Variants in ST3GAL4 observed in about 807,000 individuals in gnomAD.
ST3GAL4 encodes the protein ST3 beta-galactoside alpha-2,3-sialyltransferase 4, also known as CMP-N-acetylneuraminate-beta-galactosamide-alpha-2,3-sialyltransferase 4.
In ST3GAL4, 24 loss-of-function variants were observed where a neutral mutation model predicts 42.6. That is an observed-to-expected ratio of 0.56 (90% CI 0.41 to 0.79). The LOEUF (loss-of-function observed/expected upper bound fraction) is 0.79. Among genes scored for constraint, ST3GAL4 ranks in the 30% least tolerant of loss-of-function variants. The pLI is 0.00. For synonymous variants in ST3GAL4, 135 were observed against 163.2 expected (o/e 0.83, Z 1.32); for missense variants, 311 against 430.8 (o/e 0.72, Z 2.46).
At chr11:126,413,924 G>A in intron 10 of ST3GAL4, 37 bp from the exon 11 acceptor site, 1 of 1,609,654 alleles carries the variant, frequency 6.2e-7, no homozygotes, top group Non-Finnish European at 8.5e-7. Context: ...GAGGTCCCTG[G>A]GAGTCCCTCA....
rs931494604 is a variant in ST3GAL4 at position 126,386,247 on chromosome 11, C to T, written c.-60-19849C>T. Among the ~76,000 whole-genome samples the T allele has an allele frequency of 4.6e-5, 7 of 152,292 alleles. No homozygotes were observed. In the South Asian group the frequency reaches 6.2e-4, roughly 14 times the overall value. ...AGTGGTCCTGTGGTTGTCATTGCCC[C>T]GTCATCTCCACCATTTCCTGTTTGC... On this transcript the variant is annotated intron_variant, in intron 1 of 10. Transcript: ENST00000444328. The surrounding 1 kb of genome is among the most constrained non-coding windows in gnomAD (Gnocchi z 4.7).
intron 1 of ST3GAL4, among the ~76,000 whole-genome samples, chr11:126,371,020 C>T (rs1456232206): frequency 6.6e-6 from 1 of 151,678 alleles, no homozygotes; most frequent in Non-Finnish European, 1.5e-5. Context: ...ATTAATATAA[C>T]AGACCTCCAT....
intron 1 of ST3GAL4, among the ~76,000 whole-genome samples, chr11:126,395,871 G>C (rs1953728692): frequency 6.6e-6 from 1 of 152,122 alleles, no homozygotes; most frequent in African/African-American, 2.4e-5. Context: ...ACAGACTAAC[G>C]CAGGCAGCCT....
rs145526361 is a variant in ST3GAL4 at position 126,407,040 on chromosome 11, G to A, written c.182+17G>A. 1.3e-3 allele frequency: 2,070 copies of A among 1,610,942 alleles called. 23 individuals carry two copies. In the African/African-American group the frequency reaches 0.023, roughly 18 times the overall value. ...CTTTGGCAAGTAAGTACTTAAGGAT[G>A]AGGAGGGTAGAGCAGGGCATGGAGC... is the stretch of plus-strand genomic sequence containing the variant. On this transcript the variant is annotated intron_variant, in intron 4 of 10. Transcript: ENST00000444328.
intron 1 of ST3GAL4, among the ~76,000 whole-genome samples, chr11:126,387,673 C>CA (rs1015589992): frequency 0.1 from 11,854 of 115,934 alleles, 651 homozygotes; most frequent in East Asian, 0.35. Flanking sequence ...GACTCTGTCT[C>CA]AAAAAAAAAA....
chr11:126,369,997 C>G (rs1952583618), intron 1 of ST3GAL4, among the ~76,000 whole-genome samples: 1 of 152,182 alleles, frequency 6.6e-6, no homozygotes, highest in South Asian at 2.1e-4. Context: ...TCCTATTTTT[C>G]ACAGCTGCAT....
chr11:126,408,438 T>A lies in ST3GAL4; in HGVS notation c.569T>A (p.Val190Glu). 1 of 1,614,194 alleles carries A rather than the reference T, an allele frequency of 6.2e-7. No individual in the cohort carries two copies. Among genetic ancestry groups the A allele is most frequent in the Non-Finnish European group, 8.5e-7 (1 of 1,180,028 alleles). ...AACCCAGACACACTCCTCGTCCTGGTAGCTTTCAAGGCAATGGACTTCCAC... is the reference window on the plus strand; with the variant it reads ...AACCCAGACACACTCCTCGTCCTGGAAGCTTTCAAGGCAATGGACTTCCAC... ...ENNPDTLLVL[V>E]AFKAMDFHWI... Residue 190 changes from valine (V) to glutamate (E), a missense_variant, in exon 8 of 11, where the codon GTA becomes GAA. Val to Glu is a moderately radical substitution (Grantham distance 121, BLOSUM62 -2). Transcript: ENST00000444328.
In ST3GAL4 at chr11:126,376,640, GT is replaced by G. The variant is rs1474391927; in HGVS notation, c.-61+20802del. 4 of 152,136 alleles carry G rather than the reference GT, an allele frequency of 2.6e-5. No individual in the cohort carries two copies. The highest frequency in any genetic ancestry group is 5.9e-5 in the Non-Finnish European group (4 of 68,028). The allele number at this position is 152,136 out of a possible 1,614,324, so 9.4% of individuals were successfully genotyped here. A position where few individuals can be genotyped will look rare whatever the true frequency, so the allele number is the denominator to read the frequency against. ...TAAGGCTGTTGTTAAGGCCTCATTG[GT>G]TTTGTTTGGTAAGGAATTTTTCAGG... On this transcript the variant is annotated intron_variant, in intron 1 of 10. Transcript: ENST00000444328. This position sits in a 1 kb window ranked among gnomAD's most constrained non-coding sequence, Gnocchi z 5.1.
In ST3GAL4 at chr11:126,364,589, C is replaced by T. The variant is rs1415139065; in HGVS notation, c.-61+8747C>T. ...TGGATGTGGGAGGCTGTTCCTTGGC[C>T]GCAGCCTGTAACTGAATAAATGCCA... On this transcript the variant is annotated intron_variant, in intron 1 of 10. Transcript: ENST00000444328. 9.1e-5 allele frequency among the ~76,000 whole-genome samples: 13 copies of T among 143,100 alleles called. 1 individual carries two copies. The highest frequency in any genetic ancestry group is 4.9e-4 in the Admixed American group (7 of 14,228). The allele number at this position is 143,100 out of a possible 152,430, so 93.9% of individuals were successfully genotyped here. A position where few individuals can be genotyped will look rare whatever the true frequency, so the allele number is the denominator to read the frequency against.
In ST3GAL4 at chr11:126,406,940, C is replaced by T. The variant is rs544903636; in HGVS notation, c.102-3C>T. ...TCTGCCTCCTGTCCTTTTTTCTCTC[C>T]AGTTTTTATTTTCCCATCCCAGAGA... On this transcript the variant is annotated splice_polypyrimidine_tract_variant and splice_region_variant and intron_variant, in intron 3 of 10. Coordinates refer to ENST00000444328, the MANE Select transcript of ST3GAL4 (RefSeq NM_001254757.2). The surrounding 1 kb of genome is among the most constrained non-coding windows in gnomAD (Gnocchi z 5.4). 25 of 1,613,740 alleles carry T rather than the reference C, an allele frequency of 1.5e-5. No homozygotes were observed. In the East Asian group the frequency reaches 2.7e-4, roughly 17 times the overall value.
intron 1 of ST3GAL4, among the ~76,000 whole-genome samples, chr11:126,381,240 G>C (rs1297878685): frequency 2.0e-5 from 3 of 152,178 alleles, no homozygotes; most frequent in Non-Finnish European, 2.9e-5. Context: ...AGCTGCCTGA[G>C]GGCCCTGGGA....
intron 1 of ST3GAL4, among the ~76,000 whole-genome samples, chr11:126,368,926 C>A (rs1168654320): frequency 6.6e-6 from 1 of 152,138 alleles, no homozygotes; most frequent in East Asian, 1.9e-4. Flanking sequence ...ACACACCCCT[C>A]CCCCACCCCG....
Position 126,409,427 on chromosome 11 carries a change from C to G in ST3GAL4, c.771+16C>G. 6.2e-7 allele frequency: 1 copy of G among 1,614,166 alleles called. No homozygotes were observed. Among genetic ancestry groups the G allele is most frequent in the Non-Finnish European group, 8.5e-7 (1 of 1,180,018 alleles). ...GATTAAGCAGGTGATGATGGGAAGT[C>G]AGGCCTGAGGGCTAGGATCCTGGGC... is the stretch of plus-strand genomic sequence containing the variant. On this transcript the variant is annotated intron_variant, in intron 9 of 10. Coordinates refer to ENST00000444328, the MANE Select transcript of ST3GAL4 (RefSeq NM_001254757.2). The surrounding 1 kb of genome is among the most constrained non-coding windows in gnomAD (Gnocchi z 4.9).
intron 1 of ST3GAL4, among the ~76,000 whole-genome samples, chr11:126,404,486 CAGAA>C (rs1954142267): frequency 6.6e-6 from 1 of 152,048 alleles, no homozygotes; most frequent in Non-Finnish European, 1.5e-5. Context: ...GGGAGACAGA[CAGAA>C]AGAAAACAAG....
chr11:126,369,986 A>G (rs777272011), intron 1 of ST3GAL4, among the ~76,000 whole-genome samples: 2 of 152,208 alleles, frequency 1.3e-5, no homozygotes, highest in Non-Finnish European at 2.9e-5. Flanking sequence ...ATCGATTTGC[A>G]TCCTATTTTT....
chr11:126,372,490 C>T (rs1008677952), intron 1 of ST3GAL4, among the ~76,000 whole-genome samples: 2 of 151,310 alleles, frequency 1.3e-5, no homozygotes, highest in Non-Finnish European at 1.5e-5. Flanking sequence ...GATCTCAGCT[C>T]ACCACAACCT....
chr11:126,408,337 G>A lies in ST3GAL4; in HGVS notation c.468G>A (p.Glu156=), dbSNP rs1565426449. The A allele has an allele frequency of 6.2e-7, 1 of 1,614,190 alleles. No homozygotes were observed. The highest frequency in any genetic ancestry group is 8.5e-7 in the Non-Finnish European group (1 of 1,180,042). Residue 156 remains glutamate (E), a synonymous_variant, in exon 8 of 11, where the codon GAG becomes GAA. Coordinates refer to ENST00000444328, the MANE Select transcript of ST3GAL4 (RefSeq NM_001254757.2). The stretch of plus-strand genomic sequence containing the variant: ...ACAATGCCCCAGTGGCTGGCTATGA[G>A]GGTGACGTGGGCTCCAAGACCACCA... ...RLNNAPVAGY[E]GDVGSKTTMR...
intron 1 of ST3GAL4, among the ~76,000 whole-genome samples, chr11:126,390,728 A>G (rs562026629): frequency 2.7e-5 from 4 of 150,648 alleles, no homozygotes; most frequent in South Asian, 4.2e-4. Context: ...TGTATAGTGC[A>G]GTGGCATTAA....
At position 126,363,605 on chromosome 11, in the gene ST3GAL4, C is replaced by T. The variant is rs1348163704; in HGVS notation, c.-61+7763C>T. On this transcript the variant is annotated intron_variant, in intron 1 of 10. Coordinates refer to ENST00000444328, the MANE Select transcript of ST3GAL4 (RefSeq NM_001254757.2). This position sits in a 1 kb window ranked among gnomAD's most constrained non-coding sequence, Gnocchi z 4.6. ...CAATGCTTTTATCTTTAGCTCAGCT[C>T]CTGAGCCCTCATGCAACTCTTTGGA... Among the ~76,000 whole-genome samples the T allele has an allele frequency of 3.3e-5, 5 of 152,230 alleles. No individual in the cohort carries two copies. The highest frequency in any genetic ancestry group is 6.5e-5 in the Admixed American group (1 of 15,282).
Sources: gnomAD v4.1 joint callset for allele counts (sites outside exome capture counted in the v4.1 genomes callset) on GRCh38, gnomAD v4.1.1 for gene constraint, Gnocchi (gnomAD v3.1) non-coding constraint, MANE v1.5 for transcripts, NCBI Gene and HGNC (gene_info 2026-07-23, HGNC 2026-07-21) for gene names.